Variants in AK4 observed in about 807,000 individuals in gnomAD.
AK4 encodes adenylate kinase 4.
AK4 carries 13 observed loss-of-function variants against 24.6 expected under a neutral mutation model. The observed-to-expected ratio is 0.53, with a 90% confidence interval of 0.34 to 0.84. The LOEUF (loss-of-function observed/expected upper bound fraction) is 0.84, where lower values mean the gene tolerates loss of function less well. Among genes scored for constraint, AK4 ranks in the 40% least tolerant of loss-of-function variants. The pLI is 0.01. For synonymous variants in AK4, 88 were observed against 107.0 expected (o/e 0.82, Z 1.10); for missense variants, 192 against 288.2 (o/e 0.67, Z 2.42).
At chr1:65,172,063 GTATATATATATATA>G (rs3051712) in intron 1 of AK4, among the ~76,000 whole-genome samples, 7,013 of 65,732 alleles carry the variant, frequency 0.11, 765 homozygotes, top group African/African-American at 0.22. Flanking sequence ...TCCATCTCAA[GTATATATATATATA>G]TATATATATA....
intron 2 of AK4, among the ~76,000 whole-genome samples, chr1:65,216,263 G>T (rs1181530947): frequency 6.6e-6 from 1 of 151,968 alleles, no homozygotes; most frequent in Non-Finnish European, 1.5e-5. Flanking sequence ...CTCCCTAGTG[G>T]CTGGGATTAC....
At chr1:65,218,150 C>T (rs934897566) in intron 2 of AK4, among the ~76,000 whole-genome samples, 1 of 152,270 alleles carries the variant, frequency 6.6e-6, no homozygotes, top group East Asian at 1.9e-4. Context: ...AGGTGAAGGT[C>T]TGGATGGAGG....
rs550789606 is a variant in AK4, at chr1:65,215,235, G to A, written c.266-3519G>A. 6.6e-5 allele frequency among the ~76,000 whole-genome samples: 10 copies of A among 151,088 alleles called. No individual in the cohort carries two copies. In the South Asian group the frequency reaches 8.4e-4, roughly 13 times the overall value. ...TCACCAGGCTGGAGTGCAGTGGCACGATCTCTACTCACTGCAATCTCCGCC... is the reference window on the plus strand; with the variant it reads ...TCACCAGGCTGGAGTGCAGTGGCACAATCTCTACTCACTGCAATCTCCGCC... On this transcript the variant is annotated intron_variant, in intron 2 of 4. Coordinates refer to ENST00000327299, the MANE Select transcript of AK4 (RefSeq NM_013410.4).
At chr1:65,211,231 T>G (rs1051721230) in intron 2 of AK4, among the ~76,000 whole-genome samples, 1 of 132,348 alleles carries the variant, frequency 7.6e-6, no homozygotes, top group Non-Finnish European at 1.6e-5. Context: ...CAGAAGAGAA[T>G]GAGACAGTAA....
Position 65,190,802 on chromosome 1 carries a change from A to C in AK4, c.238A>C (p.Arg80=), listed in dbSNP as rs761550887. 1 of 1,614,110 alleles carries C rather than the reference A, an allele frequency of 6.2e-7. No homozygotes were observed. Among genetic ancestry groups the C allele is most frequent in the South Asian group, 1.1e-5 (1 of 91,038 alleles). The change falls in exon 2 of 5, where the codon AGG becomes CGG. Residue 80 remains arginine (R), a synonymous_variant. Transcript: ENST00000327299. ...TRLMMSELEN[R]RGQHWLLDGF... is the part of the protein sequence containing the mutation. ...CCTAATGATGTCCGAGTTGGAGAAC[A>C]GGCGTGGCCAGCACTGGCTCCTTGA...
chr1:65,210,989 C>G (rs1651955602), intron 2 of AK4, among the ~76,000 whole-genome samples: 1 of 152,172 alleles, frequency 6.6e-6, no homozygotes, highest in African/African-American at 2.4e-5. Flanking sequence ...TCAACTTTTC[C>G]TTAGTCATGT....
In AK4 at chr1:65,230,930, AG is replaced by A. The variant is rs1652623560; in HGVS notation, c.*4754del. ...ATTTGACAGTGTCTTTCCTTTCTGC[AG>A]TTGATTTTGCTAGAGAGGCAATTCA... On this transcript the variant is annotated 3_prime_UTR_variant, in exon 5 of 5. Coordinates refer to ENST00000327299, the MANE Select transcript of AK4 (RefSeq NM_013410.4). 1 of 152,216 alleles carries A rather than the reference AG, an allele frequency of 6.6e-6. No individual in the cohort carries two copies. Among genetic ancestry groups the A allele is most frequent in the Non-Finnish European group, 1.5e-5 (1 of 68,050 alleles). The allele number at this position is 152,216 out of a possible 1,614,324, so 9.4% of individuals were successfully genotyped here. A position where few individuals can be genotyped will look rare whatever the true frequency, so the allele number is the denominator to read the frequency against.
At chr1:65,209,655 T>G (rs1651914316) in intron 2 of AK4, among the ~76,000 whole-genome samples, 1 of 152,172 alleles carries the variant, frequency 6.6e-6, no homozygotes, top group African/African-American at 2.4e-5. Flanking sequence ...TTTGATTTGT[T>G]TAGCCCAACT....
chr1:65,217,992 T>C (rs961297479), intron 2 of AK4, among the ~76,000 whole-genome samples: 2 of 152,186 alleles, frequency 1.3e-5, no homozygotes, highest in Non-Finnish European at 2.9e-5. Context: ...AATTAACATA[T>C]CCATCATCTC....
intron 2 of AK4, among the ~76,000 whole-genome samples, chr1:65,194,208 A>G (rs1651399969): frequency 6.6e-6 from 1 of 152,244 alleles, no homozygotes; most frequent in African/African-American, 2.4e-5. Flanking sequence ...ATGCAATTAA[A>G]AGTAACCACA....
chr1:65,222,841 C>T (rs1652337697), intron 3 of AK4, among the ~76,000 whole-genome samples: 1 of 152,162 alleles, frequency 6.6e-6, no homozygotes, highest in Admixed American at 6.5e-5. Flanking sequence ...CAGTTCTGTT[C>T]TGGCCTACCT....
intron 1 of AK4, among the ~76,000 whole-genome samples, chr1:65,187,214 G>A (rs1350560746): frequency 2.0e-5 from 3 of 151,988 alleles, no homozygotes; most frequent in Non-Finnish European, 4.4e-5. Context: ...GGGCATGGTG[G>A]CGGGCGCCTG....
rs36098576 is a variant in AK4, at chr1:65,170,954, C to CT, written c.146-19735dup. ...ATTATTGGTTTGTCTTGTCTTCTTC[C>CT]TTTTTTTTTTTTTTTTTTTTTGAGA... On this transcript the variant is annotated intron_variant, in intron 1 of 4. Transcript: ENST00000327299. Among the ~76,000 whole-genome samples the CT allele has an allele frequency of 4.1e-3, 449 of 108,980 alleles. 1 individual carries two copies. Among genetic ancestry groups the CT allele is most frequent in the South Asian group, 6.2e-3 (22 of 3,544 alleles). The allele number at this position is 108,980 out of a possible 152,430, so 71.5% of individuals were successfully genotyped here.
intron 3 of AK4, among the ~76,000 whole-genome samples, chr1:65,223,780 A>G (rs959015360): frequency 6.6e-6 from 1 of 152,134 alleles, no homozygotes; most frequent in African/African-American, 2.4e-5. Context: ...GGATCACCTC[A>G]GGTCAGGAGT....
chr1:65,222,778 A>G (rs6677191), intron 3 of AK4, among the ~76,000 whole-genome samples: 46,789 of 152,078 alleles, frequency 0.31, 8,302 homozygotes, highest in East Asian at 0.69. Context: ...ATTTTAGTGC[A>G]TTTCAAATTT....
At chr1:65,150,862 A>C (rs1211053073) in intron 1 of AK4, among the ~76,000 whole-genome samples, 1 of 152,150 alleles carries the variant, frequency 6.6e-6, no homozygotes, top group Non-Finnish European at 1.5e-5. Context: ...GCCTGGTGAA[A>C]AGCTGCTCTT....
At chr1:65,194,115 A>G (rs1651396127) in intron 2 of AK4, among the ~76,000 whole-genome samples, 1 of 152,214 alleles carries the variant, frequency 6.6e-6, no homozygotes, top group African/African-American at 2.4e-5. Context: ...AAATGTTTGT[A>G]TAAAGTGTGC....
chr1:65,154,573 C>T, intron 1 of AK4: 5 of 518,740 alleles, frequency 9.6e-6, no homozygotes, highest in South Asian at 7.0e-5. Context: ...CTGTCTGATC[C>T]AGAAATGTGG....
At position 65,190,815 on chromosome 1, in the gene AK4, A is replaced by C; in HGVS notation, c.251A>C (p.His84Pro). The C allele has an allele frequency of 6.2e-7, 1 of 1,613,916 alleles. No individual in the cohort carries two copies. The highest frequency in any genetic ancestry group is 8.5e-7 in the Non-Finnish European group (1 of 1,179,910). The change falls in exon 2 of 5, where the codon CAC becomes CCC. Residue 84 changes from histidine to proline, a missense_variant. Coordinates refer to ENST00000327299, the MANE Select transcript of AK4 (RefSeq NM_013410.4). ...MSELENRRGQ[H>P]WLLDGFPRTL... ...GAGTTGGAGAACAGGCGTGGCCAGC[A>C]CTGGCTCCTTGATGGTGAGTTGAAA...
Sources: gnomAD v4.1 joint callset for allele counts (sites outside exome capture counted in the v4.1 genomes callset) on GRCh38, gnomAD v4.1.1 for gene constraint, MANE v1.5 for transcripts, NCBI Gene and HGNC (gene_info 2026-07-23, HGNC 2026-07-21) for gene names.